FMNL2: variants seen among roughly 807,000 people sequenced by gnomAD.
FMNL2 encodes formin like 2, also known as formin-like protein 2.
In FMNL2, 51 loss-of-function variants were observed where a neutral mutation model predicts 130.2. The ratio of observed to expected loss-of-function variants is 0.39; its 90% CI spans 0.31 to 0.49. FMNL2 has a LOEUF of 0.49. FMNL2 is among the 20% of genes least tolerant of loss of function. The pLI is 0.85. For missense variants in FMNL2, 977 were observed against 1,316.2 expected, an observed-to-expected ratio of 0.74 and a Z score of 3.99; for synonymous variants, 465 against 467.1, an observed-to-expected ratio of 1.00 and a Z score of 0.06.
intron 3 of FMNL2, 89 bp from the exon 4 acceptor site, chr2:152,548,932 T>G (rs1694794262): frequency 9.9e-7 from 1 of 1,007,170 alleles, no homozygotes; most frequent in Middle Eastern, 3.0e-4. Flanking sequence ...TGAAGATATT[T>G]TTCATATTGT....
At chr2:152,613,457 C>G (rs1387310104) in intron 11 of FMNL2, among the ~76,000 whole-genome samples, 2 of 152,142 alleles carry the variant, frequency 1.3e-5, no homozygotes, top group Non-Finnish European at 2.9e-5. Context: ...TAGCCTTTGC[C>G]CTTATTTAGA....
chr2:152,523,353 A>T (rs1693209831), intron 2 of FMNL2, among the ~76,000 whole-genome samples: 1 of 152,180 alleles, frequency 6.6e-6, no homozygotes, highest in South Asian at 2.1e-4. Flanking sequence ...ATAAATGCTT[A>T]TAAGAGACCA....
intron 2 of FMNL2, among the ~76,000 whole-genome samples, chr2:152,524,078 G>A (rs1558936460): frequency 6.6e-6 from 1 of 152,130 alleles, no homozygotes; most frequent in Non-Finnish European, 1.5e-5. Context: ...GTAAAGGAAA[G>A]CAATTCACTG....
intron 1 of FMNL2, chr2:152,390,536 G>T: frequency 6.5e-7 from 1 of 1,536,154 alleles, no homozygotes; most frequent in Non-Finnish European, 9.0e-7. Flanking sequence ...AGAAGTCCAT[G>T]GGGCTGCCAA....
Position 152,619,696 on chromosome 2 carries a change from G to A in FMNL2, c.1815G>A (p.Val605=), listed in dbSNP as rs1355994835. The A allele has an allele frequency of 5.6e-6, 9 of 1,611,984 alleles. No individual in the cohort carries two copies. The East Asian group carries it at 2.0e-4, about 36-fold the overall frequency. Residue 605 remains valine, a synonymous_variant, in exon 15 of 26, where the codon GTG becomes GTA. Transcript: ENST00000288670. The part of the protein sequence containing the change: ...PPLPGTSSPT[V]VFNSGLAAVK... ...TGCCTGGAACATCTTCACCCACAGT[G>A]GTTTTCAACTCAGGATTAGCAGGTA...
At chr2:152,537,882 C>T (rs893331) in intron 2 of FMNL2, among the ~76,000 whole-genome samples, 56,562 of 146,990 alleles carry the variant, frequency 0.38, 10,732 homozygotes, top group East Asian at 0.54. Flanking sequence ...ACATCAGAGA[C>T]CTTACACATA....
intron 1 of FMNL2, among the ~76,000 whole-genome samples, chr2:152,383,700 A>G (rs961092294): frequency 2.6e-5 from 4 of 152,230 alleles, no homozygotes; most frequent in African/African-American, 9.6e-5. Context: ...AAATTACCAC[A>G]GCAGCTAACC....
chr2:152,361,648 A>G lies in FMNL2; in HGVS notation c.117+25928A>G, dbSNP rs1007680817. ...TTTTAGCTTTCTGATTAACAGTTTA[A>G]CTATGAAAGCTGGAATGACTTAAAC... On this transcript the variant is annotated intron_variant, in intron 1 of 25. Transcript: ENST00000288670. 4.6e-5 allele frequency among the ~76,000 whole-genome samples: 7 copies of G among 152,240 alleles called. No individual in the cohort carries two copies. The South Asian group carries it at 1.5e-3, about 32-fold the overall frequency.
intron 15 of FMNL2, among the ~76,000 whole-genome samples, chr2:152,622,770 A>G (rs1052125102): frequency 6.7e-6 from 1 of 149,234 alleles, no homozygotes; most frequent in Non-Finnish European, 1.5e-5. Context: ...TGAAGCAGAC[A>G]TCCTGGATTC....
At chr2:152,456,552 C>G (rs1425772790) in intron 1 of FMNL2, among the ~76,000 whole-genome samples, 2 of 152,164 alleles carry the variant, frequency 1.3e-5, no homozygotes, top group African/African-American at 4.8e-5. Context: ...CTTCTTGCTT[C>G]TGAAGAATGT....
chr2:152,646,946 T>C (rs1458701922), intron 25 of FMNL2, among the ~76,000 whole-genome samples: 2 of 152,214 alleles, frequency 1.3e-5, no homozygotes, highest in African/African-American at 4.8e-5. Flanking sequence ...CCTCTGCTCC[T>C]CCCACTTCAT....
chr2:152,598,386 G>A (rs562722469), intron 9 of FMNL2, among the ~76,000 whole-genome samples: 70 of 152,276 alleles, frequency 4.6e-4, no homozygotes, highest in African/African-American at 1.3e-3. Context: ...TCCTCAGGTG[G>A]CTATTTAAAT....
At chr2:152,637,297 T>TGTGC (rs752988979) in intron 22 of FMNL2, among the ~76,000 whole-genome samples, 1 of 152,216 alleles carries the variant, frequency 6.6e-6, no homozygotes, top group Non-Finnish European at 1.5e-5. Flanking sequence ...GGTGTGTGCG[T>TGTGC]GTGCATGCAT....
intron 2 of FMNL2, 118 bp from the exon 3 acceptor site, chr2:152,542,621 C>T: frequency 3.2e-6 from 3 of 932,570 alleles, no homozygotes; most frequent in Non-Finnish European, 1.7e-6. Flanking sequence ...TGACTGCTCG[C>T]AGGGCCACAT....
chr2:152,475,986 A>G (rs1690129007), intron 1 of FMNL2, among the ~76,000 whole-genome samples: 1 of 152,244 alleles, frequency 6.6e-6, no homozygotes, highest in African/African-American at 2.4e-5. Flanking sequence ...TAGATTTAGC[A>G]CTTTGAGCAA....
chr2:152,502,191 T>C (rs1009524250), intron 1 of FMNL2, among the ~76,000 whole-genome samples: 1 of 152,258 alleles, frequency 6.6e-6, no homozygotes, highest in African/African-American at 2.4e-5. Context: ...CATTCAAATA[T>C]AGGATTGATT....
intron 1 of FMNL2, among the ~76,000 whole-genome samples, chr2:152,353,452 T>C (rs959681256): frequency 6.6e-6 from 1 of 152,200 alleles, no homozygotes; most frequent in African/African-American, 2.4e-5. Flanking sequence ...GCCTTACTTC[T>C]CTAGGTTGCA....
chr2:152,477,191 G>A (rs772879246), intron 1 of FMNL2, among the ~76,000 whole-genome samples: 5 of 152,160 alleles, frequency 3.3e-5, no homozygotes, highest in Non-Finnish European at 5.9e-5. Flanking sequence ...TTTCCATGAG[G>A]ATTACCAAGA....
At chr2:152,522,652 C>A (rs2105405567) in intron 2 of FMNL2, among the ~76,000 whole-genome samples, 1 of 152,290 alleles carries the variant, frequency 6.6e-6, no homozygotes, top group South Asian at 2.1e-4. Context: ...TGCACAAACT[C>A]TTTGCTCTTT....
Sources: gnomAD v4.1 joint callset for allele counts (sites outside exome capture counted in the v4.1 genomes callset) on GRCh38, gnomAD v4.1.1 for gene constraint, MANE v1.5 for transcripts, NCBI Gene and HGNC (gene_info 2026-07-23, HGNC 2026-07-21) for gene names.